ZNF789: variants seen among roughly 807,000 people sequenced by gnomAD.
ZNF789 encodes the protein zinc finger protein 789.
ZNF789 carries 11 observed loss-of-function variants against 15.6 expected under a neutral mutation model. The ratio of observed to expected loss-of-function variants is 0.70; its 90% CI spans 0.44 to 1.16. The LOEUF is 1.16. Among genes scored for constraint, ZNF789 ranks in the 50% most tolerant of loss-of-function variants. The pLI is 0.00. For synonymous variants in ZNF789, 159 were observed against 176.0 expected (o/e 0.90, Z 0.76); for missense variants, 461 against 512.6 (o/e 0.90, Z 0.97).
Position 99,485,104 on chromosome 7 carries a change from C to G in ZNF789, c.265+961C>G, listed in dbSNP as rs933989979. The G allele has an allele frequency of 3.6e-6, 5 of 1,385,362 alleles. No individual in the cohort carries two copies. The African/African-American group carries it at 5.8e-5, about 16-fold the overall frequency. The allele number at this position is 1,385,362 out of a possible 1,614,324, so 85.8% of individuals were successfully genotyped here. ...CTTGATTCCACCCTCATTACTTGTCCTCTCTCGGTGCTGCCTCTTGTTCCC... is the reference window on the plus strand; with the variant it reads ...CTTGATTCCACCCTCATTACTTGTCGTCTCTCGGTGCTGCCTCTTGTTCCC... On this transcript the variant is annotated intron_variant, in intron 4 of 4. Coordinates refer to ENST00000331410, the MANE Select transcript of ZNF789 (RefSeq NM_213603.3).
chr7:99,474,387 G>T (rs1415762010), intron 1 of ZNF789, among the ~76,000 whole-genome samples: 1 of 152,194 alleles, frequency 6.6e-6, no homozygotes, highest in African/African-American at 2.4e-5. Flanking sequence ...GAGGTCAGGA[G>T]ATCAAGACCA....
chr7:99,486,947 T>C lies in ZNF789; in HGVS notation c.737T>C (p.Val246Ala), dbSNP rs1462890547. Residue 246 changes from valine (V) to alanine (A), a missense_variant, in exon 5 of 5, where the codon GTC (valine) becomes GCC (alanine). Transcript: ENST00000331410. ...QAFRQRSALTVHKQCHLQNKP... is the reference protein window; with the variant it reads ...QAFRQRSALTAHKQCHLQNKP... Reference sequence around the variant, plus strand: ...TTCAGACAGCGGTCAGCTCTTACGGTCCATAAACAGTGTCACCTGCAAAAC... The same window carrying C: ...TTCAGACAGCGGTCAGCTCTTACGGCCCATAAACAGTGTCACCTGCAAAAC... 2 of 1,614,146 alleles carry C rather than the reference T, an allele frequency of 1.2e-6. No homozygotes were observed. Among genetic ancestry groups the C allele is most frequent in the South Asian group, 2.2e-5 (2 of 91,076 alleles).
At chr7:99,474,403 G>A (rs1439811372) in intron 1 of ZNF789, among the ~76,000 whole-genome samples, 3 of 152,236 alleles carry the variant, frequency 2.0e-5, no homozygotes, top group African/African-American at 7.2e-5. Flanking sequence ...GACCATCCTG[G>A]CTAACACGGT....
In ZNF789 at chr7:99,480,083, T is replaced by C. The variant is rs192125147; in HGVS notation, c.151+296T>C. 151 of 386,448 alleles carry C rather than the reference T, an allele frequency of 3.9e-4. 1 individual carries two copies. In the East Asian group the frequency reaches 5.3e-3, roughly 14 times the overall value. 23.9% of individuals were successfully genotyped at this position (386,448 alleles called of 1,614,324 possible). On this transcript the variant is annotated intron_variant, in intron 3 of 4. Coordinates refer to ENST00000331410, the MANE Select transcript of ZNF789 (RefSeq NM_213603.3). ...GCTCACACCTGTAATCCCAGCACTTTGGGATTCCGAGGCGGGTGGATCACA... is the reference window on the plus strand; with the variant it reads ...GCTCACACCTGTAATCCCAGCACTTCGGGATTCCGAGGCGGGTGGATCACA...
chr7:99,487,467 C>T lies in ZNF789; in HGVS notation c.1257C>T (p.His419=), dbSNP rs1446725138. The change falls in exon 5 of 5, where the codon CAC becomes CAT. Residue 419 remains histidine, a synonymous_variant. Coordinates refer to ENST00000331410, the MANE Select transcript of ZNF789 (RefSeq NM_213603.3). ...GCTTTATTAAGCACCAGGGCACTCACAAAGGACAGATATCCACATGATGTT... is the reference window on the plus strand; with the variant it reads ...GCTTTATTAAGCACCAGGGCACTCATAAAGGACAGATATCCACATGATGTT... ...HTSFIKHQGT[H]KGQIST is the part of the protein sequence containing the mutation. 2 of 1,613,472 alleles carry T rather than the reference C, an allele frequency of 1.2e-6. No homozygotes were observed. Among genetic ancestry groups the T allele is most frequent in the African/African-American group, 2.7e-5 (2 of 75,018 alleles).
intron 3 of ZNF789, 52 bp downstream of exon 3, chr7:99,479,839 A>C (rs767656899): frequency 6.3e-7 from 1 of 1,575,446 alleles, no homozygotes; most frequent in Admixed American, 1.9e-5. Context: ...GTGTCTGTGC[A>C]AGCCCTTAGT....
In ZNF789 at chr7:99,486,864, A is replaced by G. The variant is rs144379930; in HGVS notation, c.654A>G (p.Gln218=). The G allele has an allele frequency of 3.3e-5, 54 of 1,614,042 alleles. No individual in the cohort carries two copies. Among genetic ancestry groups the G allele is most frequent in the Non-Finnish European group, 4.3e-5 (51 of 1,180,034 alleles). ...TTAGGCGTAAGGCATGGTTTGATCA[A>G]CATCAAAGAATTCACTTTTTAGAGA... The part of the protein sequence containing the change: ...KVIRRKAWFD[Q]HQRIHFLENP... The change falls in exon 5 of 5, where the codon CAA becomes CAG. Residue 218 remains glutamine, a synonymous_variant. Transcript: ENST00000331410.
chr7:99,486,644 C>G lies in ZNF789; in HGVS notation c.434C>G (p.Thr145Ser). The G allele has an allele frequency of 6.2e-7, 1 of 1,614,208 alleles. No individual in the cohort carries two copies. Among genetic ancestry groups the G allele is most frequent in the East Asian group, 2.2e-5 (1 of 44,892 alleles). The part of the protein sequence containing the change: ...FVDSCRLTFP[T>S]SGDEYSRGFL... ...GACAGTTGCAGGCTTACTTTCCCTA[C>G]TAGTGGTGATGAATACAGCAGGGGC... The change falls in exon 5 of 5, where the codon ACT becomes AGT. Residue 145 changes from threonine to serine, a missense_variant. Physicochemically the swap from Thr to Ser is moderately conservative, Grantham distance 58 (BLOSUM62 1). Coordinates refer to ENST00000331410, the MANE Select transcript of ZNF789 (RefSeq NM_213603.3).
At chr7:99,477,875 G>A (rs1431946544) in intron 2 of ZNF789, among the ~76,000 whole-genome samples, 1 of 152,214 alleles carries the variant, frequency 6.6e-6, no homozygotes. Context: ...TTGAACCGAG[G>A]AGGTGGAGGT....
chr7:99,479,501 G>A lies in ZNF789; in HGVS notation c.25-160G>A, dbSNP rs559066954. On this transcript the variant is annotated intron_variant, in intron 2 of 4. Transcript: ENST00000331410. ...GAAGCCAGCACATGTCTGGCCTGAG[G>A]GCCATCAGGCCTGAAAGGAGCCCTG... 20 of 731,860 alleles carry A rather than the reference G, an allele frequency of 2.7e-5. No homozygotes were observed. In the South Asian group the frequency reaches 3.0e-4, roughly 11 times the overall value. 45.3% of individuals were successfully genotyped at this position (731,860 alleles called of 1,614,324 possible).
intron 4 of ZNF789, among the ~76,000 whole-genome samples, chr7:99,484,664 C>T (rs1192931131): frequency 1.3e-5 from 2 of 151,616 alleles, no homozygotes; most frequent in African/African-American, 4.9e-5. Flanking sequence ...TATGGGGGCT[C>T]ACGCCGGTAA....
intron 1 of ZNF789, among the ~76,000 whole-genome samples, chr7:99,475,218 C>A (rs906975343): frequency 2.0e-5 from 3 of 151,962 alleles, no homozygotes; most frequent in Non-Finnish European, 1.5e-5. Context: ...CATGGTGAAA[C>A]CCCATCTCAA....
At chr7:99,483,490 C>T (rs1186600146) in intron 3 of ZNF789, among the ~76,000 whole-genome samples, 3 of 151,846 alleles carry the variant, frequency 2.0e-5, no homozygotes, top group South Asian at 2.1e-4. Flanking sequence ...CTTAGCAAAG[C>T]GTGGGGGCGC....
At position 99,487,187 on chromosome 7, in the gene ZNF789, C is replaced by T; in HGVS notation, c.977C>T (p.Ser326Leu). ...LECGKAFGRH[S>L]TLLCHQQIHS... ...TGTGGAAAAGCCTTTGGCCGGCATT[C>T]AACCCTTCTATGTCATCAACAGATT... is the stretch of plus-strand genomic sequence containing the variant. The change falls in exon 5 of 5, where the codon TCA becomes TTA. Residue 326 changes from serine (S) to leucine (L), a missense_variant. Ser to Leu is a moderately radical substitution (Grantham distance 145, BLOSUM62 -2). Transcript: ENST00000331410. 1 of 1,614,134 alleles carries T rather than the reference C, an allele frequency of 6.2e-7. No homozygotes were observed. The highest frequency in any genetic ancestry group is 1.1e-5 in the South Asian group (1 of 91,082).
At chr7:99,483,402 G>T (rs538426449) in intron 3 of ZNF789, among the ~76,000 whole-genome samples, 2 of 152,186 alleles carry the variant, frequency 1.3e-5, no homozygotes, top group East Asian at 3.9e-4. Flanking sequence ...GGCCAAGGCG[G>T]GTGGATCACC....
intron 2 of ZNF789, chr7:99,478,619 C>T (rs1350292535): frequency 2.9e-6 from 1 of 345,976 alleles, no homozygotes; most frequent in Non-Finnish European, 5.8e-6. Flanking sequence ...GCCGCTGGGC[C>T]CCTTTGCCCA....
intron 4 of ZNF789, 84 bp downstream of exon 4, chr7:99,484,227 G>T: frequency 9.5e-7 from 1 of 1,053,900 alleles, no homozygotes. Context: ...TGTGCCAGAC[G>T]CTGAGCCAGG....
chr7:99,477,631 G>A (rs1464844884), intron 2 of ZNF789, among the ~76,000 whole-genome samples: 7 of 151,326 alleles, frequency 4.6e-5, no homozygotes, highest in African/African-American at 1.2e-4. Flanking sequence ...GAGCCACCGC[G>A]CCCAGCCTAG....
At chr7:99,484,278 C>G (rs1799798091) in intron 4 of ZNF789, 135 bp downstream of exon 4, 1 of 639,730 alleles carries the variant, frequency 1.6e-6, no homozygotes, top group East Asian at 2.8e-5. Flanking sequence ...CCCTACTGCC[C>G]TGTGAAGTGG....
Sources: allele counts gnomAD v4.1 joint callset (sites outside exome capture counted in the v4.1 genomes callset), GRCh38; gene constraint gnomAD v4.1.1; transcripts MANE v1.5; gene names NCBI Gene and HGNC (gene_info 2026-07-23, HGNC 2026-07-21).